The following KDM5A variants were observed in gnomAD, a reference collection of about 807,000 sequenced individuals.
KDM5A encodes lysine-specific demethylase 5A.
A neutral mutation model predicts 193.5 loss-of-function variants in KDM5A; 42 were observed. That is an observed-to-expected ratio of 0.22 (90% CI 0.17 to 0.28). KDM5A has a LOEUF of 0.28. Among genes scored for constraint, KDM5A ranks in the 10% least tolerant of loss-of-function variants. The probability of loss-of-function intolerance (pLI) is 1.00; values close to 1 mark genes in which losing one functional copy is unlikely to be tolerated. For synonymous variants in KDM5A, 796 were observed against 718.1 expected, an observed-to-expected ratio of 1.11 and a Z score of -1.73; for missense variants, 1,692 against 2,055.1, an observed-to-expected ratio of 0.82 and a Z score of 3.42.
rs1270344389 is a variant in KDM5A at position 381,186 on chromosome 12, G to C, written c.366+2845C>G. Among the ~76,000 whole-genome samples, 5 of 152,176 alleles carry C rather than the reference G, an allele frequency of 3.3e-5. No homozygotes were observed. The East Asian group carries it at 9.7e-4, about 29-fold the overall frequency. Reference sequence around the variant, plus strand: ...ATTTTGTATTTTTAGTAGAGACGAGGTTTCTCCATGTTGGTTGGGTTGGTC... The same window carrying C: ...ATTTTGTATTTTTAGTAGAGACGAGCTTTCTCCATGTTGGTTGGGTTGGTC... On this transcript the variant is annotated intron_variant, in intron 3 of 27. Transcript: ENST00000399788.
chr12:356,285 TAAA>T (rs1421364538), intron 6 of KDM5A, 144 bp downstream of exon 6: 18 of 654,038 alleles, frequency 2.8e-5, no homozygotes, highest in Non-Finnish European at 4.9e-5. Flanking sequence ...GATCTGGCAT[TAAA>T]AAAGGCGATT....
Position 317,841 on chromosome 12 carries a change from C to CCTGCACCTCTCCGGGAG in KDM5A, c.2897+248_2897+264dup, listed in dbSNP as rs1241471104. On this transcript the variant is annotated intron_variant, in intron 19 of 27. Coordinates refer to ENST00000399788, the MANE Select transcript of KDM5A (RefSeq NM_001042603.3). Reference sequence around the variant, plus strand: ...GCTTGTCTGTACCCACTGCCACTGACCTGCACCTCTCCGGGAGCTGCACCT... The same window carrying CCTGCACCTCTCCGGGAG: ...GCTTGTCTGTACCCACTGCCACTGACCTGCACCTCTCCGGGAGCTGCACCTCTCCGGGAGCTGCACCT... 1.5e-4 allele frequency among the ~76,000 whole-genome samples: 23 copies of CCTGCACCTCTCCGGGAG among 152,300 alleles called. No homozygotes were observed. In the East Asian group the frequency reaches 4.4e-3, roughly 29 times the overall value.
chr12:308,054 C>G (rs768614328), intron 22 of KDM5A, 49 bp from the exon 23 acceptor site: 14 of 1,542,172 alleles, frequency 9.1e-6, no homozygotes, highest in Non-Finnish European at 1.3e-5. Context: ...AATATACCCC[C>G]CAAAATACCA....
rs1944632375 is a variant in KDM5A, at chr12:385,918, G to C, written c.222C>G (p.Val74=). 1 of 1,613,534 alleles carries C rather than the reference G, an allele frequency of 6.2e-7. No homozygotes were observed. The highest frequency in any genetic ancestry group is 1.3e-5 in the African/African-American group (1 of 74,902). The stretch of plus-strand genomic sequence containing the variant: ...TTACCTCAAGTTCATTCAGGCGCTG[G>C]ACTCTTGGAGTGAAACGAAAGCTTT... ...EVKSFRFTPR[V]QRLNELEAMT... Residue 74 remains valine, a synonymous_variant, in exon 2 of 28, where the codon GTC becomes GTG. Transcript: ENST00000399788.
chr12:374,861 G>A (rs1944480960), intron 3 of KDM5A, among the ~76,000 whole-genome samples: 1 of 151,000 alleles, frequency 6.6e-6, no homozygotes, highest in Non-Finnish European at 1.5e-5. Context: ...ATGAAATTAT[G>A]GGTTGAAAAT....
At chr12:330,085 G>GTGTGTGTATATATATATATA (rs377271333) in intron 13 of KDM5A, among the ~76,000 whole-genome samples, 51 of 139,376 alleles carry the variant, frequency 3.7e-4, no homozygotes, top group African/African-American at 1.2e-3. Context: ...GTGTGTGTGT[G>GTGTGTGTATATATATATATA]TATATATATA....
chr12:313,440 T>A (rs1315781704), intron 19 of KDM5A, among the ~76,000 whole-genome samples: 1 of 152,172 alleles, frequency 6.6e-6, no homozygotes, highest in African/African-American at 2.4e-5. Flanking sequence ...AAGAAAACTT[T>A]AACTCAAAGA....
At chr12:297,908 T>A (rs976501377) in intron 24 of KDM5A, among the ~76,000 whole-genome samples, 1 of 152,110 alleles carries the variant, frequency 6.6e-6, no homozygotes, top group Non-Finnish European at 1.5e-5. Flanking sequence ...ATATAATGAC[T>A]ACAGATTCAA....
At chr12:286,014 T>G (rs1206664304) in intron 27 of KDM5A, 3 of 419,418 alleles carry the variant, frequency 7.2e-6, no homozygotes, top group Non-Finnish European at 1.4e-5. Flanking sequence ...TTCTAGGCTC[T>G]AAGACAATGC....
At position 336,043 on chromosome 12, in the gene KDM5A, CAAAAA is replaced by C. The variant is rs753624871; in HGVS notation, c.1309-1626_1309-1622del. ...GGGCAACAAGAGCGATACTTCATCT[CAAAAA>C]AAAAAAAAAAAAAAAAAAAATAGAG... On this transcript the variant is annotated intron_variant, in intron 10 of 27. Coordinates refer to ENST00000399788, the MANE Select transcript of KDM5A (RefSeq NM_001042603.3). Among the ~76,000 whole-genome samples, 3 of 42,020 alleles carry C rather than the reference CAAAAA, an allele frequency of 7.1e-5. No homozygotes were observed. In the Admixed American group the frequency reaches 8.5e-4, roughly 12 times the overall value. The allele number at this position is 42,020 out of a possible 152,430, so 27.6% of individuals were successfully genotyped here. A position where few individuals can be genotyped will look rare whatever the true frequency, so the allele number is the denominator to read the frequency against.
At chr12:344,129 CA>C (rs1944040839) in intron 10 of KDM5A, among the ~76,000 whole-genome samples, 1 of 152,102 alleles carries the variant, frequency 6.6e-6, no homozygotes, top group Non-Finnish European at 1.5e-5. Context: ...GCACAAGCTT[CA>C]ATAGCCAATT....
chr12:355,851 C>A (rs953218708), intron 6 of KDM5A, among the ~76,000 whole-genome samples: 1 of 152,078 alleles, frequency 6.6e-6, no homozygotes, highest in Non-Finnish European at 1.5e-5. Context: ...ACATATCCAG[C>A]CTAATCTTTG....
chr12:369,617 G>T (rs566728069), intron 3 of KDM5A, among the ~76,000 whole-genome samples: 2 of 152,292 alleles, frequency 1.3e-5, no homozygotes, highest in East Asian at 3.9e-4. Context: ...GCAAAGACTT[G>T]AAAGGAGTGA....
intron 18 of KDM5A, among the ~76,000 whole-genome samples, chr12:318,710 C>G (rs1943680724): frequency 6.6e-6 from 1 of 152,196 alleles, no homozygotes; most frequent in African/African-American, 2.4e-5. Context: ...GACTTAGATG[C>G]AGGCACTTTT....
chr12:314,793 A>T (rs58979246), intron 19 of KDM5A, among the ~76,000 whole-genome samples: 11,495 of 152,210 alleles, frequency 0.076, 944 homozygotes, highest in East Asian at 0.35. Flanking sequence ...ATGCACAAAG[A>T]TGCAGAGAAA....
intron 3 of KDM5A, among the ~76,000 whole-genome samples, chr12:383,498 T>C (rs1395450655): frequency 6.6e-6 from 1 of 152,044 alleles, no homozygotes; most frequent in Non-Finnish European, 1.5e-5. Flanking sequence ...ATTACAGGCA[T>C]GAGCCACCGT....
intron 5 of KDM5A, 27 bp from the exon 6 acceptor site, chr12:356,564 G>T (rs1944231971): frequency 1.4e-6 from 2 of 1,381,150 alleles, no homozygotes; most frequent in East Asian, 2.3e-5. Flanking sequence ...ATTCACATTA[G>T]CATAATCATG....
Position 297,021 on chromosome 12 carries a change from GT to G in KDM5A, c.4234+19del, listed in dbSNP as rs773639717. ...TGGTTTTCTGCTTATGTTCCCCACA[GT>G]TTTTTAAAGGAGTAATACCTTGAGA... is the stretch of plus-strand genomic sequence containing the variant. On this transcript the variant is annotated intron_variant, in intron 25 of 27. Transcript: ENST00000399788. 2 of 1,612,120 alleles carry G rather than the reference GT, an allele frequency of 1.2e-6. No homozygotes were observed. Among genetic ancestry groups the G allele is most frequent in the African/African-American group, 1.3e-5 (1 of 74,916 alleles).
rs898891081 is a variant in KDM5A at position 313,122 on chromosome 12, A to G, written c.2970T>C (p.Asn990=). The part of the protein sequence containing the change: ...EAKNIPAFLP[N]VLSLKEALQK... ...GTAAGGCTTCTTTCAAGGACAACAC[A>G]TTGGGTAGAAAGGCTGGAATGTTCT... Residue 990 remains asparagine, a synonymous_variant, in exon 20 of 28, where the codon AAT becomes AAC. Transcript: ENST00000399788. 4 of 1,614,024 alleles carry G rather than the reference A, an allele frequency of 2.5e-6. No homozygotes were observed. In the Admixed American group the frequency reaches 5.0e-5, roughly 20 times the overall value.
Sources: allele counts gnomAD v4.1 joint callset (sites outside exome capture counted in the v4.1 genomes callset), GRCh38; gene constraint gnomAD v4.1.1; transcripts MANE v1.5; gene names NCBI Gene and HGNC (gene_info 2026-07-23, HGNC 2026-07-21).